The following REC114 variants were observed in gnomAD, a reference collection of about 807,000 sequenced individuals.
The protein encoded by REC114 is REC114 meiotic recombination protein.
REC114 carries 27 observed loss-of-function variants against 31.3 expected under a neutral mutation model. The observed-to-expected ratio is 0.86, with a 90% CI of 0.64 to 1.19. The LOEUF (loss-of-function observed/expected upper bound fraction) is 1.19. Ranked by LOEUF, REC114 falls within the 50% of genes most tolerant of loss-of-function variation. The pLI is 0.00. For missense variants in REC114, 344 were observed against 326.9 expected, an observed-to-expected ratio of 1.05 and a Z score of -0.40; for synonymous variants, 134 against 127.7, an observed-to-expected ratio of 1.05 and a Z score of -0.33.
intron 2 of REC114, among the ~76,000 whole-genome samples, chr15:73,514,025 C>T (rs1409802495): frequency 6.6e-6 from 1 of 151,874 alleles, no homozygotes; most frequent in South Asian, 2.1e-4. Flanking sequence ...TGGGCAATGG[C>T]GGGCGCCCCT....
chr15:73,448,710 C>T (rs1248183862), intron 1 of REC114, among the ~76,000 whole-genome samples: 1 of 152,148 alleles, frequency 6.6e-6, no homozygotes. Flanking sequence ...CTGGGAGACA[C>T]CTCCCAGTAG....
At chr15:73,554,916 C>A (rs139815396) in intron 4 of REC114, among the ~76,000 whole-genome samples, 1 of 152,206 alleles carries the variant, frequency 6.6e-6, no homozygotes, top group Non-Finnish European at 1.5e-5. Context: ...AAACACTAGG[C>A]ACTAGAGGCT....
At chr15:73,464,679 A>C (rs1293194600) in intron 1 of REC114, among the ~76,000 whole-genome samples, 1 of 152,098 alleles carries the variant, frequency 6.6e-6, no homozygotes, top group African/African-American at 2.4e-5. Flanking sequence ...GGAACTTCAG[A>C]GCACATAGTC....
chr15:73,551,396 G>A (rs979141593), intron 4 of REC114, among the ~76,000 whole-genome samples: 7 of 152,102 alleles, frequency 4.6e-5, no homozygotes, highest in Admixed American at 1.3e-4. Flanking sequence ...TGTGGTCCAC[G>A]AACCCCTCCC....
intron 1 of REC114, among the ~76,000 whole-genome samples, chr15:73,472,069 A>G (rs1386307584): frequency 6.6e-6 from 1 of 152,186 alleles, no homozygotes; most frequent in Non-Finnish European, 1.5e-5. Context: ...GTCATTGTTC[A>G]TTGAGCTGTA....
At chr15:73,529,903 G>T (rs1404392593) in intron 2 of REC114, among the ~76,000 whole-genome samples, 1 of 152,080 alleles carries the variant, frequency 6.6e-6, no homozygotes, top group African/African-American at 2.4e-5. Context: ...ACATACTTCT[G>T]GAACAAATAT....
At chr15:73,446,722 GC>G (rs1555484308) in intron 1 of REC114, among the ~76,000 whole-genome samples, 2 of 152,210 alleles carry the variant, frequency 1.3e-5, no homozygotes, top group Non-Finnish European at 2.9e-5. Flanking sequence ...TAGTGAGAAG[GC>G]TAGCAAATCT....
chr15:73,545,664 T>A (rs1894298493), intron 3 of REC114, among the ~76,000 whole-genome samples: 2 of 152,056 alleles, frequency 1.3e-5, no homozygotes, highest in Non-Finnish European at 2.9e-5. Flanking sequence ...GGAATTATAC[T>A]CCAAAAAAAA....
At chr15:73,445,442 C>G (rs147469401) in intron 1 of REC114, among the ~76,000 whole-genome samples, 1 of 152,222 alleles carries the variant, frequency 6.6e-6, no homozygotes, top group Non-Finnish European at 1.5e-5. Context: ...ACTGGAATAG[C>G]ATTTTTAATT....
intron 4 of REC114, among the ~76,000 whole-genome samples, chr15:73,552,253 C>T (rs1030942004): frequency 2.0e-5 from 3 of 152,176 alleles, no homozygotes; most frequent in African/African-American, 7.2e-5. Flanking sequence ...TAAAATACCC[C>T]TCCCTTCTCC....
At position 73,455,211 on chromosome 15, in the gene REC114, C is replaced by A. The variant is rs1337680278; in HGVS notation, c.159+11867C>A. Among the ~76,000 whole-genome samples, 6 of 152,020 alleles carry A rather than the reference C, an allele frequency of 3.9e-5. No homozygotes were observed. In the East Asian group the frequency reaches 1.2e-3, roughly 29 times the overall value. Reference sequence around the variant, plus strand: ...GTAATAATAATAAAAGATGAGCCATCTAAAGAACTGTACTCTCTAAGTCTC... The same window carrying A: ...GTAATAATAATAAAAGATGAGCCATATAAAGAACTGTACTCTCTAAGTCTC... On this transcript the variant is annotated intron_variant, in intron 1 of 5. Transcript: ENST00000331090.
At chr15:73,443,896 C>T (rs1454407041) in intron 1 of REC114, among the ~76,000 whole-genome samples, 2 of 152,162 alleles carry the variant, frequency 1.3e-5, no homozygotes, top group African/African-American at 4.8e-5. Flanking sequence ...TATAATAGTA[C>T]AGGCCCTCAG....
chr15:73,443,370 C>A (rs1175078647), intron 1 of REC114, 26 bp downstream of exon 1: 2 of 1,548,554 alleles, frequency 1.3e-6, no homozygotes, highest in Non-Finnish European at 1.7e-6. Context: ...AGGAATATCC[C>A]TGAGGTGCCC....
intron 2 of REC114, among the ~76,000 whole-genome samples, chr15:73,532,023 G>A (rs1430110883): frequency 7.1e-6 from 1 of 141,118 alleles, no homozygotes; most frequent in Admixed American, 7.3e-5. Flanking sequence ...TAGGGTACAT[G>A]TGCACATTGT....
rs1378777533 is a variant in REC114 at position 73,541,343 on chromosome 15, T to TCA, written c.333+776_333+777dup. Among the ~76,000 whole-genome samples, 6 of 152,362 alleles carry TCA rather than the reference T, an allele frequency of 3.9e-5. No individual in the cohort carries two copies. The South Asian group carries it at 8.3e-4, about 21-fold the overall frequency. ...TCACTAATGGAAATCACAGATACTT[T>TCA]CATATCACATTTCAGTTGTTTCTGA... On this transcript the variant is annotated intron_variant, in intron 3 of 5. Transcript: ENST00000331090.
chr15:73,485,042 A>G (rs1416548915), intron 2 of REC114, among the ~76,000 whole-genome samples: 1 of 152,214 alleles, frequency 6.6e-6, no homozygotes, highest in Non-Finnish European at 1.5e-5. Context: ...TCTAAAAGGA[A>G]AGATTTAGCA....
chr15:73,526,427 T>A (rs1894009145), intron 2 of REC114, among the ~76,000 whole-genome samples: 1 of 152,200 alleles, frequency 6.6e-6, no homozygotes. Context: ...AGTGTTTTTT[T>A]AGGATTCCAT....
At chr15:73,539,607 T>C (rs1007907735) in intron 2 of REC114, among the ~76,000 whole-genome samples, 1 of 151,946 alleles carries the variant, frequency 6.6e-6, no homozygotes, top group African/African-American at 2.4e-5. Context: ...GATAAGGGAC[T>C]ACATTTTCTT....
At chr15:73,548,422 T>G (rs543245245) in intron 3 of REC114, among the ~76,000 whole-genome samples, 2 of 152,148 alleles carry the variant, frequency 1.3e-5, no homozygotes, top group Non-Finnish European at 2.9e-5. Flanking sequence ...AGACACTTTT[T>G]AAAAGTAAGA....
Sources: allele counts gnomAD v4.1 joint callset (sites outside exome capture counted in the v4.1 genomes callset), GRCh38; gene constraint gnomAD v4.1.1; transcripts MANE v1.5; gene names NCBI Gene and HGNC (gene_info 2026-07-23, HGNC 2026-07-21).